LAMC2: variants seen among roughly 807,000 people sequenced by gnomAD.
The protein encoded by LAMC2 is laminin subunit gamma-2.
In LAMC2, 97 loss-of-function variants were observed where a neutral mutation model predicts 140.2. The ratio of observed to expected loss-of-function variants is 0.69; its 90% CI spans 0.59 to 0.82. The LOEUF (loss-of-function observed/expected upper bound fraction) is 0.82, where lower values mean the gene tolerates loss of function less well. LAMC2 is among the 40% of genes least tolerant of loss of function. The probability of loss-of-function intolerance (pLI) is 0.00; values close to 1 mark genes in which losing one functional copy is unlikely to be tolerated. For missense variants in LAMC2, 1,402 were observed against 1,476.1 expected (o/e 0.95, Z 0.82); for synonymous variants, 513 against 540.2 (o/e 0.95, Z 0.70).
chr1:183,256,453 G>A, the LAMC2 span, among the ~76,000 whole-genome samples: 3 of 152,142 alleles, frequency 2.0e-5, no homozygotes, highest in Non-Finnish European at 2.9e-5. Context: ...AATGGCCTTC[G>A]TTATGTTGAG....
At chr1:183,252,372 C>T in the LAMC2 span, 1 of 464,304 alleles carries the variant, frequency 2.2e-6, no homozygotes. Flanking sequence ...AGACGGACAC[C>T]AGTACATCTC....
chr1:183,231,157 G>A, intron 12 of LAMC2, 54 bp downstream of exon 12: 2 of 1,604,494 alleles, frequency 1.2e-6, no homozygotes, highest in South Asian at 2.2e-5. Flanking sequence ...ATCCTTAAGT[G>A]TCCACTGGGT....
chr1:183,221,511 G>A (rs180754536), intron 5 of LAMC2, among the ~76,000 whole-genome samples: 35 of 152,094 alleles, frequency 2.3e-4, no homozygotes, highest in East Asian at 7.8e-4. Flanking sequence ...GGTGGATCAC[G>A]AGGTCAGGAG....
At chr1:183,198,359 G>C (rs1312245435) in intron 1 of LAMC2, among the ~76,000 whole-genome samples, 1 of 152,014 alleles carries the variant, frequency 6.6e-6, no homozygotes, top group Non-Finnish European at 1.5e-5. Flanking sequence ...TGGCCATGAT[G>C]GTCTTGACCT....
chr1:183,209,827 A>G (rs143829679), intron 2 of LAMC2, among the ~76,000 whole-genome samples: 1 of 152,314 alleles, frequency 6.6e-6, no homozygotes, highest in African/African-American at 2.4e-5. Context: ...AGGATTTACC[A>G]TGTCATCTCT....
chr1:183,246,559 G>A (rs766358325), downstream of LAMC2, among the ~76,000 whole-genome samples: 2 of 152,196 alleles, frequency 1.3e-5, no homozygotes, highest in Admixed American at 6.5e-5. Flanking sequence ...GGAGAAAGGG[G>A]TGGAAATGAA....
rs898270255 is a variant in LAMC2 at position 183,228,694 on chromosome 1, G to A, written c.1714+75G>A. ...TGCACTTGCTTGCCATCTAAGCAGGGACAATGGCAGTTCATATCATGATGT... is the reference window on the plus strand; with the variant it reads ...TGCACTTGCTTGCCATCTAAGCAGGAACAATGGCAGTTCATATCATGATGT... On this transcript the variant is annotated intron_variant, in intron 11 of 22. Coordinates refer to ENST00000264144, the MANE Select transcript of LAMC2 (RefSeq NM_005562.3). The surrounding 1 kb of genome is among the most constrained non-coding windows in gnomAD (Gnocchi z 4.3). 1.2e-5 allele frequency: 19 copies of A among 1,570,124 alleles called. No individual in the cohort carries two copies. The African/African-American group carries it at 2.0e-4, about 17-fold the overall frequency.
chr1:183,227,675 T>A lies in LAMC2; in HGVS notation c.1446T>A (p.Asn482Lys). ...CGGAGACGGAGGAGGTGGTGTGCAATAACTGCCCTCCCGGGGTCACCGGTA... is the reference window on the plus strand; with the variant it reads ...CGGAGACGGAGGAGGTGGTGTGCAAAAACTGCCCTCCCGGGGTCACCGGTA... ...VMPETEEVVC[N>K]NCPPGVTGAR... The change falls in exon 10 of 23, where the codon AAT becomes AAA. Residue 482 changes from asparagine (N) to lysine (K), a missense_variant. Physicochemically the swap from Asn to Lys is moderately conservative, Grantham distance 94. Transcript: ENST00000264144. 6.2e-7 allele frequency: 1 copy of A among 1,614,138 alleles called. No homozygotes were observed. The highest frequency in any genetic ancestry group is 8.5e-7 in the Non-Finnish European group (1 of 1,180,034).
At chr1:183,231,450 G>A (rs1659798188) in intron 12 of LAMC2, among the ~76,000 whole-genome samples, 1 of 152,168 alleles carries the variant, frequency 6.6e-6, no homozygotes, top group African/African-American at 2.4e-5. Context: ...GATATGGGTA[G>A]GTGGAACTGG....
chr1:183,189,801 A>G (rs189963851), intron 1 of LAMC2, among the ~76,000 whole-genome samples: 16 of 152,336 alleles, frequency 1.1e-4, no homozygotes, highest in East Asian at 1.9e-4. Flanking sequence ...CCAAATGTGT[A>G]TATACAAAGA....
chr1:183,218,411 C>A lies in LAMC2; in HGVS notation c.426C>A (p.Asp142Glu). Reference protein sequence around the residue: ...QRLLDSKCDCDPAGIAGPCDA... With the variant: ...QRLLDSKCDCEPAGIAGPCDA... Reference sequence around the variant, plus strand: ...CCAGAGACTCCAAGTGTGACTGTGACCCAGCTGGCATCGCAGGGCCCTGTG... The same window carrying A: ...CCAGAGACTCCAAGTGTGACTGTGAACCAGCTGGCATCGCAGGGCCCTGTG... The change falls in exon 4 of 23, where the codon GAC (aspartate) becomes GAA (glutamate). Residue 142 changes from aspartate to glutamate, a missense_variant. Physicochemically the swap from Asp to Glu is conservative, Grantham distance 45. Around this residue, in one of 3 missense-constraint regions of LAMC2, gnomAD observed 723 missense variants for 783.3 expected, o/e 0.92. Transcript: ENST00000264144. 6.2e-7 allele frequency: 1 copy of A among 1,614,126 alleles called. No individual in the cohort carries two copies. The highest frequency in any genetic ancestry group is 8.5e-7 in the Non-Finnish European group (1 of 1,179,970).
intron 3 of LAMC2, 74 bp downstream of exon 3, chr1:183,215,662 T>C: frequency 2.5e-6 from 4 of 1,571,664 alleles, no homozygotes; most frequent in Non-Finnish European, 3.5e-6. Flanking sequence ...CAAACACTTG[T>C]ATTTACTGAG....
intron 12 of LAMC2, among the ~76,000 whole-genome samples, chr1:183,231,562 T>C (rs1312181104): frequency 6.6e-6 from 1 of 152,120 alleles, no homozygotes; most frequent in Non-Finnish European, 1.5e-5. Context: ...GTAAAACAAA[T>C]GAAGAAAAAC....
downstream of LAMC2, among the ~76,000 whole-genome samples, chr1:183,247,783 G>A (rs1219085732): frequency 1.3e-5 from 2 of 152,176 alleles, no homozygotes; most frequent in African/African-American, 4.8e-5. Context: ...GGATTGAACA[G>A]TTAACAAATT....
At position 183,215,619 on chromosome 1, in the gene LAMC2, C is replaced by T. The variant is rs770922164; in HGVS notation, c.404+31C>T. On this transcript the variant is annotated intron_variant, in intron 3 of 22. Coordinates refer to ENST00000264144, the MANE Select transcript of LAMC2 (RefSeq NM_005562.3). ...TATTTGCATCCCACCATGGCTGTCA[C>T]TAACTCAGTGATGACAATTATATAA... 4 of 1,613,746 alleles carry T rather than the reference C, an allele frequency of 2.5e-6. No individual in the cohort carries two copies. The South Asian group carries it at 4.4e-5, about 18-fold the overall frequency.
intron 7 of LAMC2, among the ~76,000 whole-genome samples, chr1:183,224,175 G>C (rs1300713678): frequency 6.6e-6 from 1 of 152,164 alleles, no homozygotes; most frequent in Non-Finnish European, 1.5e-5. Context: ...TCTAAGAATG[G>C]AAAGGTCCAC....
In LAMC2 at chr1:183,226,848, G is replaced by A. The variant is rs746716761; in HGVS notation, c.1217G>A (p.Arg406Lys). ...TCTGGCTACAAGAGAGATTCAGCGA[G>A]ACTGGGGCCTTTTGGCACCTGTATT... ...CASGYKRDSA[R>K]LGPFGTCIPC... Residue 406 changes from arginine to lysine, a missense_variant, in exon 9 of 23, where the codon AGA becomes AAA. Transcript: ENST00000264144. 5 of 1,614,194 alleles carry A rather than the reference G, an allele frequency of 3.1e-6. No individual in the cohort carries two copies. The South Asian group carries it at 5.5e-5, about 18-fold the overall frequency.
Position 183,226,710 on chromosome 1 carries a change from T to C in LAMC2, c.1079T>C (p.Ile360Thr). Reference protein sequence around the residue: ...ATYGEYSTGYIDNVTLISARP... With the variant: ...ATYGEYSTGYTDNVTLISARP... ...CTCTCGATTGCAGGTACTGGGTACA[T>C]TGACAATGTGACCCTGATTTCAGCC... The change falls in exon 9 of 23, where the codon ATT (isoleucine) becomes ACT (threonine). Residue 360 changes from isoleucine (I) to threonine (T), a missense_variant. By Grantham distance (89) the Ile-to-Thr change is moderately conservative. Transcript: ENST00000264144. 8 of 1,614,222 alleles carry C rather than the reference T, an allele frequency of 5.0e-6. No individual in the cohort carries two copies. In the Admixed American group the frequency reaches 5.0e-5, roughly 10 times the overall value.
At chr1:183,232,150 C>T in intron 12 of LAMC2, 37 bp from the exon 13 acceptor site, 2 of 1,612,056 alleles carry the variant, frequency 1.2e-6, no homozygotes, top group Non-Finnish European at 1.7e-6. Flanking sequence ...GGTACATGGT[C>T]TCCACCCTCG....
Sources: gnomAD v4.1 joint callset for allele counts (sites outside exome capture counted in the v4.1 genomes callset) on GRCh38, gnomAD v4.1.1 for gene constraint, gnomAD v4.1.1 regional missense constraint, Gnocchi (gnomAD v3.1) non-coding constraint, MANE v1.5 for transcripts, NCBI Gene and HGNC (gene_info 2026-07-23, HGNC 2026-07-21) for gene names.